Variants in ITGBL1 observed in about 807,000 individuals in gnomAD.
ITGBL1 encodes the protein integrin subunit beta like 1.
Under a neutral mutation model 68.5 loss-of-function variants are expected in ITGBL1, and 51 were observed. That is an observed-to-expected ratio of 0.74 (90% confidence interval 0.59 to 0.94). ITGBL1 has a LOEUF of 0.94. Among genes scored for constraint, ITGBL1 ranks in the 40% least tolerant of loss-of-function variants. ITGBL1 has a pLI of 0.00. For synonymous variants in ITGBL1, 209 were observed against 227.3 expected (o/e 0.92, Z 0.72); for missense variants, 649 against 647.4 (o/e 1.00, Z -0.03).
At chr13:101,497,685 C>T (rs2048876625) in intron 2 of ITGBL1, among the ~76,000 whole-genome samples, 1 of 152,164 alleles carries the variant, frequency 6.6e-6, no homozygotes, top group South Asian at 2.1e-4. Context: ...TGGTACTTGT[C>T]TTCCTGAGAT....
chr13:101,610,257 G>A (rs1594928492), intron 7 of ITGBL1, among the ~76,000 whole-genome samples: 1 of 152,068 alleles, frequency 6.6e-6, no homozygotes, highest in South Asian at 2.1e-4. Flanking sequence ...ATTTGCTCTG[G>A]TTATCAGCCA....
chr13:101,563,143 A>C (rs1418162585), intron 2 of ITGBL1, among the ~76,000 whole-genome samples: 5 of 151,310 alleles, frequency 3.3e-5, no homozygotes, highest in Non-Finnish European at 3.0e-5. Context: ...TGTGGATTGC[A>C]GCTAACATAG....
intron 2 of ITGBL1, among the ~76,000 whole-genome samples, chr13:101,558,324 A>G (rs1403023598): frequency 1.3e-5 from 2 of 152,006 alleles, no homozygotes; most frequent in Admixed American, 1.3e-4. Flanking sequence ...ACGGGGAGGG[A>G]GGGAGAAGGT....
chr13:101,612,187 T>G (rs1036788057), intron 7 of ITGBL1, among the ~76,000 whole-genome samples: 5 of 152,212 alleles, frequency 3.3e-5, no homozygotes, highest in Admixed American at 2.0e-4. Flanking sequence ...ATGCTCAAAA[T>G]ATTCATGCCA....
chr13:101,694,000 T>C (rs1458793329), intron 8 of ITGBL1, among the ~76,000 whole-genome samples: 1 of 152,186 alleles, frequency 6.6e-6, no homozygotes, highest in Non-Finnish European at 1.5e-5. Context: ...GCAGCCACCC[T>C]AAGAGATTGT....
At chr13:101,553,994 G>A (rs767881545) in intron 2 of ITGBL1, among the ~76,000 whole-genome samples, 4 of 151,912 alleles carry the variant, frequency 2.6e-5, no homozygotes, top group East Asian at 1.9e-4. Flanking sequence ...GGCTGGTCTC[G>A]AACTCCCAAC....
chr13:101,507,620 C>T (rs952794679), intron 2 of ITGBL1, among the ~76,000 whole-genome samples: 1 of 152,070 alleles, frequency 6.6e-6, no homozygotes, highest in Non-Finnish European at 1.5e-5. Flanking sequence ...TTGCATACAC[C>T]ATTTTTATAC....
At chr13:101,571,104 A>T (rs1275145015) in intron 3 of ITGBL1, among the ~76,000 whole-genome samples, 1 of 152,146 alleles carries the variant, frequency 6.6e-6, no homozygotes, top group African/African-American at 2.4e-5. Context: ...GTCCAACCTC[A>T]CAGGATTACT....
At chr13:101,681,950 A>G (rs904065435) in intron 7 of ITGBL1, among the ~76,000 whole-genome samples, 2 of 152,176 alleles carry the variant, frequency 1.3e-5, no homozygotes, top group Admixed American at 1.3e-4. Context: ...ACAAATGTCA[A>G]ACTTCACAAT....
Position 101,598,235 on chromosome 13 carries a change from G to C in ITGBL1, c.951G>C (p.Thr317=), listed in dbSNP as rs367918496. The C allele has an allele frequency of 3.7e-6, 6 of 1,613,602 alleles. No homozygotes were observed. The South Asian group carries it at 6.6e-5, about 18-fold the overall frequency. ...GKKCEHPQSC[T]LSAEESIRKC... is the part of the protein sequence containing the mutation. ...AGTGTGAGCACCCACAGTCCTGCAC[G>C]CTGTCAGCTGAGGAGAGCATCAGGA... The change falls in exon 7 of 11, where the codon ACG becomes ACC. Residue 317 remains threonine, a synonymous_variant. Coordinates refer to ENST00000376180, the MANE Select transcript of ITGBL1 (RefSeq NM_004791.3).
In ITGBL1 at chr13:101,536,579, C is replaced by A. The variant is rs116704036; in HGVS notation, c.317-31120C>A. Among the ~76,000 whole-genome samples, 587 of 152,014 alleles carry A rather than the reference C, an allele frequency of 3.9e-3. 7 individuals are homozygous for A. The highest frequency in any genetic ancestry group is 0.014 in the Middle Eastern group (4 of 294). Reference sequence around the variant, plus strand: ...AGGCAAGTCAGTTGGTCTCCCTGTTCTAAATGTTGGCTTTCTCATTCTCAA... The same window carrying A: ...AGGCAAGTCAGTTGGTCTCCCTGTTATAAATGTTGGCTTTCTCATTCTCAA... On this transcript the variant is annotated intron_variant, in intron 2 of 10. Transcript: ENST00000376180.
chr13:101,526,272 A>T (rs2049377641), intron 2 of ITGBL1, among the ~76,000 whole-genome samples: 3 of 151,582 alleles, frequency 2.0e-5, no homozygotes, highest in African/African-American at 7.3e-5. Flanking sequence ...CGTCATCTAC[A>T]TTAGGTATTT....
In ITGBL1 at chr13:101,673,475, A is replaced by C. The variant is rs938676162; in HGVS notation, c.1016-19110A>C. 3.9e-5 allele frequency among the ~76,000 whole-genome samples: 6 copies of C among 152,316 alleles called. No individual in the cohort carries two copies. The East Asian group carries it at 9.7e-4, about 25-fold the overall frequency. On this transcript the variant is annotated intron_variant, in intron 7 of 10. Transcript: ENST00000376180. ...TAAGGAGATATTTGTGCTATTGCCA[A>C]TAATACATGCTGTACCTGGATAAAC...
At chr13:101,488,910 G>T (rs1399837392) in intron 2 of ITGBL1, among the ~76,000 whole-genome samples, 1 of 152,118 alleles carries the variant, frequency 6.6e-6, no homozygotes, top group Non-Finnish European at 1.5e-5. Flanking sequence ...TTTTCAGGAA[G>T]CCATTTTGCC....
intron 6 of ITGBL1, among the ~76,000 whole-genome samples, chr13:101,589,948 G>C (rs570046531): frequency 6.6e-6 from 1 of 152,194 alleles, no homozygotes; most frequent in African/African-American, 2.4e-5. Flanking sequence ...AAATAGCAAT[G>C]GGATATAAAA....
intron 7 of ITGBL1, among the ~76,000 whole-genome samples, chr13:101,658,604 T>C (rs1285844681): frequency 6.6e-6 from 1 of 152,136 alleles, no homozygotes; most frequent in African/African-American, 2.4e-5. Context: ...TATATTAAAA[T>C]TTTGAACTGG....
chr13:101,514,026 C>T (rs1238124838), intron 2 of ITGBL1, among the ~76,000 whole-genome samples: 3 of 152,028 alleles, frequency 2.0e-5, no homozygotes, highest in Admixed American at 6.6e-5. Flanking sequence ...ATATCTTTTG[C>T]ATTATTGTGG....
At chr13:101,679,196 G>A (rs923312896) in intron 7 of ITGBL1, among the ~76,000 whole-genome samples, 3 of 152,090 alleles carry the variant, frequency 2.0e-5, no homozygotes, top group East Asian at 1.9e-4. Flanking sequence ...GTGAGCCACC[G>A]CGCCTGGCCG....
chr13:101,467,757 G>A (rs558223478), intron 2 of ITGBL1, among the ~76,000 whole-genome samples: 50 of 152,220 alleles, frequency 3.3e-4, no homozygotes, highest in Middle Eastern at 3.4e-3. Flanking sequence ...GAGCCCTATC[G>A]TTGTAATTGT....
Sources: gnomAD v4.1 joint callset for allele counts (sites outside exome capture counted in the v4.1 genomes callset) on GRCh38, gnomAD v4.1.1 for gene constraint, MANE v1.5 for transcripts, NCBI Gene and HGNC (gene_info 2026-07-23, HGNC 2026-07-21) for gene names.